The following ZNF280B variants were observed in gnomAD, a reference collection of about 807,000 sequenced individuals.
The protein encoded by ZNF280B is zinc finger protein 280B.
In ZNF280B, 16 loss-of-function variants were observed where a neutral mutation model predicts 38.0. The ratio of observed to expected loss-of-function variants is 0.42; its 90% confidence interval spans 0.28 to 0.64. The LOEUF is 0.64. Ranked by LOEUF, ZNF280B falls within the 30% of genes least tolerant of loss-of-function variation. The pLI, the probability that ZNF280B is intolerant of heterozygous loss-of-function variation, is 0.21. For missense variants in ZNF280B, 581 were observed against 639.6 expected (o/e 0.91, Z 0.99); for synonymous variants, 253 against 230.6 (o/e 1.10, Z -0.88).
At position 22,486,457 on chromosome 22, in the gene ZNF280B, T is replaced by C. The variant is rs996682465; in HGVS notation, c.*1310A>G. The C allele has an allele frequency of 6.6e-6, 1 of 152,372 alleles. No homozygotes were observed. Among genetic ancestry groups the C allele is most frequent in the African/African-American group, 2.4e-5 (1 of 41,370 alleles). 9.4% of individuals were successfully genotyped at this position (152,372 alleles called of 1,614,324 possible). A position where few individuals can be genotyped will look rare whatever the true frequency, so the allele number is the denominator to read the frequency against. On this transcript the variant is annotated 3_prime_UTR_variant, in exon 4 of 4. Transcript: ENST00000626650. ...TATGGGTCCAGTACAGTTCAAATTA[T>C]AGATATTAGGGCTTCTTCCCCTTGG...
intron 2 of ZNF280B, among the ~76,000 whole-genome samples, chr22:22,502,214 A>C (rs1435265217): frequency 6.6e-6 from 1 of 152,012 alleles, no homozygotes; most frequent in Non-Finnish European, 1.5e-5. Context: ...ATGCTGCTCA[A>C]TATAGTCATT....
chr22:22,492,568 A>C (rs962094007), intron 3 of ZNF280B, among the ~76,000 whole-genome samples: 29 of 151,904 alleles, frequency 1.9e-4, no homozygotes, highest in African/African-American at 7.0e-4. Context: ...CATAATTCTA[A>C]ATGTATTTTC....
intron 3 of ZNF280B, among the ~76,000 whole-genome samples, chr22:22,492,838 ACC>A (rs2061622765): frequency 6.6e-6 from 1 of 150,930 alleles, no homozygotes; most frequent in African/African-American, 2.4e-5. Context: ...GTAAGCCAAG[ACC>A]ACGTCACTGC....
At position 22,488,598 on chromosome 22, in the gene ZNF280B, T is replaced by TA; in HGVS notation, c.800dup (p.Thr268AsnfsTer8). 2 of 1,613,924 alleles carry TA rather than the reference T, an allele frequency of 1.2e-6. No homozygotes were observed. The highest frequency in any genetic ancestry group is 1.7e-6 in the Non-Finnish European group (2 of 1,179,980). On this transcript the variant is annotated frameshift_variant, in exon 4 of 4. Transcript: ENST00000626650. LOFTEE classifies it high-confidence loss of function. ...GATCAAAGGTCTTGTTTTGACTTGT[T>TA]AGACTCAAAATGTCTGTTTTTGCCA...
chr22:22,503,425 C>G (rs2061866462), intron 2 of ZNF280B, among the ~76,000 whole-genome samples: 1 of 151,932 alleles, frequency 6.6e-6, no homozygotes, highest in African/African-American at 2.4e-5. Context: ...TAGTAACAGG[C>G]TGGTATAACC....
At chr22:22,505,461 G>T (rs2061916946) in intron 2 of ZNF280B, among the ~76,000 whole-genome samples, 1 of 151,968 alleles carries the variant, frequency 6.6e-6, no homozygotes, top group African/African-American at 2.4e-5. Flanking sequence ...AGCTACTCGG[G>T]AGGCTGAGGC....
rs1215284231 is a variant in ZNF280B, at chr22:22,488,202, G to A, written c.1197C>T (p.Gly399=). The change falls in exon 4 of 4, where the codon GGC becomes GGT. Residue 399 remains glycine (G), a synonymous_variant. Coordinates refer to ENST00000626650, the MANE Select transcript of ZNF280B (RefSeq NM_080764.4). ...AAACCTGGCACACATAGGGCATTTC[G>A]CCAGGCTTATGATGGTCCTTCATGT... ...LQHMKDHHKP[G]EMPYVCQVCH... 4.3e-6 allele frequency: 7 copies of A among 1,613,846 alleles called. No individual in the cohort carries two copies. Among genetic ancestry groups the A allele is most frequent in the Admixed American group, 3.3e-5 (2 of 59,982 alleles).
Position 22,487,723 on chromosome 22 carries a change from T to A in ZNF280B, c.*44A>T, listed in dbSNP as rs766720072. ...GTATTTTTTGTTTTATGAGGTTTTT[T>A]AATTTGGTTTGAAATACTTGCTTTA... On this transcript the variant is annotated 3_prime_UTR_variant, in exon 4 of 4. Coordinates refer to ENST00000626650, the MANE Select transcript of ZNF280B (RefSeq NM_080764.4). 56 of 1,508,308 alleles carry A rather than the reference T, an allele frequency of 3.7e-5. 1 individual carries two copies. In the South Asian group the frequency reaches 5.3e-4, roughly 14 times the overall value. The allele number at this position is 1,508,308 out of a possible 1,614,324, so 93.4% of individuals were successfully genotyped here. A position where few individuals can be genotyped will look rare whatever the true frequency, so the allele number is the denominator to read the frequency against.
At position 22,487,567 on chromosome 22, in the gene ZNF280B, T is replaced by C. The variant is rs1048318222; in HGVS notation, c.*200A>G. ...TGTGTTAAGCCAGATACAGTTAACA[T>C]GAAAACCAGATGTTTTAAAATAATA... On this transcript the variant is annotated 3_prime_UTR_variant, in exon 4 of 4. Transcript: ENST00000626650. The C allele has an allele frequency of 1.2e-5, 6 of 487,700 alleles. No homozygotes were observed. Among genetic ancestry groups the C allele is most frequent in the African/African-American group, 1.2e-4 (6 of 49,948 alleles). 30.2% of individuals were successfully genotyped at this position (487,700 alleles called of 1,614,324 possible).
Position 22,487,955 on chromosome 22 carries a change from A to C in ZNF280B, c.1444T>G (p.Cys482Gly). The change falls in exon 4 of 4, where the codon TGT becomes GGT. Residue 482 changes from cysteine (C) to glycine (G), a missense_variant. Cys to Gly is a radical substitution (Grantham distance 159). Coordinates refer to ENST00000626650, the MANE Select transcript of ZNF280B (RefSeq NM_080764.4). ...FKEKMEHKTQ[C>G]HQMFKKPKQL... ...TTAGGCTTCTTAAACATTTGATGAC[A>C]CTGGGTCTTGTGCTCCATTTTCTCC... 1.2e-6 allele frequency: 2 copies of C among 1,613,730 alleles called. No individual in the cohort carries two copies. The highest frequency in any genetic ancestry group is 1.7e-6 in the Non-Finnish European group (2 of 1,179,928).
intron 2 of ZNF280B, among the ~76,000 whole-genome samples, chr22:22,496,105 C>CT (rs34586676): frequency 0.022 from 2,570 of 114,664 alleles, 50 homozygotes; most frequent in Non-Finnish European, 0.032. Context: ...TGCGCCTGGC[C>CT]TTTTTTTTTT....
chr22:22,502,627 C>T (rs1168460508), intron 2 of ZNF280B, among the ~76,000 whole-genome samples: 2 of 151,910 alleles, frequency 1.3e-5, no homozygotes, highest in East Asian at 2.0e-4. Flanking sequence ...GCATACAATA[C>T]GGTGTACCTT....
rs2061546879 is a variant in ZNF280B at position 22,489,248 on chromosome 22, A to C, written c.151T>G (p.Ser51Ala). ...DAELIFVGVTSNSKPVVSNIL... is the reference protein window; with the variant it reads ...DAELIFVGVTANSKPVVSNIL... Reference sequence around the variant, plus strand: ...TTTGAAACGACTGGTTTTGAATTTGAAGTCACCCCAACAAAGATTAGCTCA... The same window carrying C: ...TTTGAAACGACTGGTTTTGAATTTGCAGTCACCCCAACAAAGATTAGCTCA... The change falls in exon 4 of 4, where the codon TCA (serine) becomes GCA (alanine). Residue 51 changes from serine to alanine, a missense_variant. Ser to Ala is a moderately conservative substitution (Grantham distance 99, BLOSUM62 1). Transcript: ENST00000626650. 1 of 1,613,740 alleles carries C rather than the reference A, an allele frequency of 6.2e-7. No homozygotes were observed. Among genetic ancestry groups the C allele is most frequent in the Admixed American group, 1.7e-5 (1 of 59,960 alleles).
In ZNF280B at chr22:22,488,473, C is replaced by A. The variant is rs759072731; in HGVS notation, c.926G>T (p.Cys309Phe). Reference sequence around the variant, plus strand: ...TTTTAGAACTTTCACGCAGCTGAGGCATTTAAAGGTGGTGTGAGTCTTCTG... The same window carrying A: ...TTTTAGAACTTTCACGCAGCTGAGGAATTTAAAGGTGGTGTGAGTCTTCTG... ...PEQKTHTTFK[C>F]LSCVKVLKNV... Residue 309 changes from cysteine to phenylalanine, a missense_variant, in exon 4 of 4, where the codon TGC becomes TTC. Cys to Phe is a radical substitution (Grantham distance 205, BLOSUM62 -2). Transcript: ENST00000626650. The A allele has an allele frequency of 1.2e-6, 2 of 1,613,870 alleles. No homozygotes were observed. Among genetic ancestry groups the A allele is most frequent in the Non-Finnish European group, 1.7e-6 (2 of 1,179,972 alleles).
chr22:22,501,514 G>A (rs1333695990), intron 2 of ZNF280B, among the ~76,000 whole-genome samples: 5 of 151,848 alleles, frequency 3.3e-5, no homozygotes, highest in South Asian at 2.1e-4. Flanking sequence ...ACAGTGAGCC[G>A]AGATCATGCC....
chr22:22,505,101 C>A (rs2061907603), intron 2 of ZNF280B, among the ~76,000 whole-genome samples: 1 of 151,956 alleles, frequency 6.6e-6, no homozygotes, highest in Non-Finnish European at 1.5e-5. Flanking sequence ...AATACTCCAA[C>A]AAAGGGAACA....
chr22:22,487,998 T>C lies in ZNF280B; in HGVS notation c.1401A>G (p.Leu467=), dbSNP rs1251675548. 2 of 1,613,726 alleles carry C rather than the reference T, an allele frequency of 1.2e-6. No individual in the cohort carries two copies. Among genetic ancestry groups the C allele is most frequent in the East Asian group, 4.5e-5 (2 of 44,784 alleles). ...TTTTCTCCTTGAAAGTTAAAAACTG[T>C]AGCCGGCACTTGGAACACTGGTGTG... ...KSAHQCSKCR[L]QFLTFKEKME... is the part of the protein sequence containing the mutation. Residue 467 remains leucine (L), a synonymous_variant, in exon 4 of 4, where the codon CTA becomes CTG. Coordinates refer to ENST00000626650, the MANE Select transcript of ZNF280B (RefSeq NM_080764.4).
chr22:22,495,798 T>C (rs1569179688), intron 2 of ZNF280B, among the ~76,000 whole-genome samples: 3 of 151,788 alleles, frequency 2.0e-5, no homozygotes, highest in Admixed American at 6.6e-5. Flanking sequence ...CTAGATTTTT[T>C]TTTTTTTTAA....
chr22:22,503,089 G>C (rs2061858149), intron 2 of ZNF280B, among the ~76,000 whole-genome samples: 2 of 151,942 alleles, frequency 1.3e-5, no homozygotes, highest in South Asian at 4.1e-4. Context: ...GTTTCCCAGG[G>C]GAGGACAGCC....
Sources: allele counts gnomAD v4.1 joint callset (sites outside exome capture counted in the v4.1 genomes callset), GRCh38; gene constraint gnomAD v4.1.1; transcripts MANE v1.5; gene names NCBI Gene and HGNC (gene_info 2026-07-23, HGNC 2026-07-21).